Variants in EPS15 observed in about 807,000 individuals in gnomAD.
The protein encoded by EPS15 is epidermal growth factor receptor substrate 15.
Under a neutral mutation model 113.8 loss-of-function variants are expected in EPS15, and 72 were observed. The observed-to-expected ratio is 0.63, with a 90% CI of 0.52 to 0.77. The LOEUF is 0.77. Ranked by LOEUF, EPS15 falls within the 30% of genes least tolerant of loss-of-function variation. The pLI, the probability that EPS15 is intolerant of heterozygous loss-of-function variation, is 0.00. For missense variants in EPS15, 1,048 were observed against 1,045.8 expected (o/e 1.00, Z -0.03); for synonymous variants, 344 against 363.4 (o/e 0.95, Z 0.61).
chr1:51,358,705 TTTTG>T lies in EPS15; in HGVS notation c.2545-1863_2545-1860del, dbSNP rs776141948. Among the ~76,000 whole-genome samples, 343 of 143,952 alleles carry T rather than the reference TTTTG, an allele frequency of 2.4e-3. 2 individuals are homozygous for T. The highest frequency in any genetic ancestry group is 8.4e-3 in the African/African-American group (329 of 39,040). The allele number at this position is 143,952 out of a possible 152,430, so 94.4% of individuals were successfully genotyped here. A position where few individuals can be genotyped will look rare whatever the true frequency, so the allele number is the denominator to read the frequency against. ...ACTCCTTCCAACCAGATTTGTTTTT[TTTTG>T]TTTTTTTTTTTTTTTTTGAGGCGGA... is the stretch of plus-strand genomic sequence containing the variant. On this transcript the variant is annotated intron_variant, in intron 24 of 24. Coordinates refer to ENST00000371733, the MANE Select transcript of EPS15 (RefSeq NM_001981.3).
intron 12 of EPS15, among the ~76,000 whole-genome samples, chr1:51,424,956 C>T (rs1651079404): frequency 6.6e-6 from 1 of 152,074 alleles, no homozygotes; most frequent in African/African-American, 2.4e-5. Flanking sequence ...GCCCAAACCA[C>T]CACTCATCTT....
chr1:51,452,745 AT>A (rs1277320394), intron 8 of EPS15, among the ~76,000 whole-genome samples: 135 of 152,368 alleles, frequency 8.9e-4, no homozygotes, highest in Middle Eastern at 3.4e-3. Flanking sequence ...GATCAGCTTT[AT>A]TAGCAGCACA....
At chr1:51,496,430 T>A (rs1644324242) in intron 1 of EPS15, among the ~76,000 whole-genome samples, 1 of 152,208 alleles carries the variant, frequency 6.6e-6, no homozygotes, top group African/African-American at 2.4e-5. Context: ...AAACCTTTAG[T>A]TGTAAGTGCC....
chr1:51,429,381 C>T (rs1210714247), intron 12 of EPS15, among the ~76,000 whole-genome samples: 1 of 151,128 alleles, frequency 6.6e-6, no homozygotes, highest in African/African-American at 2.4e-5. Context: ...AAATTTTAAC[C>T]ACTTTAAGTG....
intron 1 of EPS15, among the ~76,000 whole-genome samples, chr1:51,508,338 G>GAGAGAGAAAGAAAGAAAGAA (rs1553139582): frequency 8.2e-6 from 1 of 122,248 alleles, no homozygotes; most frequent in East Asian, 2.3e-4. Flanking sequence ...AAGAGAAAGA[G>GAGAGAGAAAGAAAGAAAGAA]AGAAAGAAAG....
intron 21 of EPS15, among the ~76,000 whole-genome samples, chr1:51,376,620 C>T (rs1557778475): frequency 6.6e-6 from 1 of 152,092 alleles, no homozygotes; most frequent in African/African-American, 2.4e-5. Flanking sequence ...GCTGAGATTG[C>T]ACCACTGTGC....
chr1:51,393,230 T>A (rs1012535907), intron 21 of EPS15, among the ~76,000 whole-genome samples: 1 of 152,244 alleles, frequency 6.6e-6, no homozygotes, highest in African/African-American at 2.4e-5. Context: ...CCAGCCTTTT[T>A]TTTGGAGACA....
Position 51,356,840 on chromosome 1 carries a change from A to C in EPS15, c.2551T>G (p.Ser851Ala), listed in dbSNP as rs773738862. Reference protein sequence around the residue: ...SNFANFSAYPSEEDMIEWAKR... With the variant: ...SNFANFSAYPAEEDMIEWAKR... Reference sequence around the variant, plus strand: ...GCCCATTCGATCATATCTTCTTCAGAGGGATACTGCCATTTAAAAGATCGA... The same window carrying C: ...GCCCATTCGATCATATCTTCTTCAGCGGGATACTGCCATTTAAAAGATCGA... Residue 851 changes from serine (S) to alanine (A), a missense_variant, in exon 25 of 25, where the codon TCT becomes GCT. Ser to Ala is a moderately conservative substitution (Grantham distance 99). Coordinates refer to ENST00000371733, the MANE Select transcript of EPS15 (RefSeq NM_001981.3). 5.6e-6 allele frequency: 9 copies of C among 1,610,286 alleles called. No individual in the cohort carries two copies. The Admixed American group carries it at 1.5e-4, about 27-fold the overall frequency.
intron 1 of EPS15, among the ~76,000 whole-genome samples, chr1:51,515,156 ACT>A (rs898129590): frequency 2.0e-5 from 3 of 152,026 alleles, no homozygotes; most frequent in Non-Finnish European, 2.9e-5. Flanking sequence ...CAGTTATATC[ACT>A]CTTGTAATTT....
chr1:51,506,085 C>T (rs1366029324), intron 1 of EPS15, among the ~76,000 whole-genome samples: 1 of 152,162 alleles, frequency 6.6e-6, no homozygotes, highest in Non-Finnish European at 1.5e-5. Flanking sequence ...CGGAGTTTCA[C>T]CACTTTGGCC....
At chr1:51,472,055 T>TAGTGTTA (rs1420033418) in intron 3 of EPS15, among the ~76,000 whole-genome samples, 1 of 152,082 alleles carries the variant, frequency 6.6e-6, no homozygotes, top group Non-Finnish European at 1.5e-5. Flanking sequence ...TAATGTATTT[T>TAGTGTTA]ATGTGTGGCC....
intron 2 of EPS15, among the ~76,000 whole-genome samples, chr1:51,476,855 C>T (rs978358759): frequency 2.1e-4 from 32 of 152,254 alleles, no homozygotes; most frequent in Non-Finnish European, 4.0e-4. Context: ...ATTCGGTTTG[C>T]CAGTATTTTA....
At chr1:51,460,678 G>A (rs1654370216) in intron 8 of EPS15, among the ~76,000 whole-genome samples, 1 of 152,180 alleles carries the variant, frequency 6.6e-6, no homozygotes, top group Non-Finnish European at 1.5e-5. Context: ...AACCAGCCGG[G>A]CACAGTGGTT....
intron 1 of EPS15, among the ~76,000 whole-genome samples, chr1:51,516,810 T>C (rs185484879): frequency 1.2e-4 from 18 of 152,354 alleles, no homozygotes; most frequent in Admixed American, 2.0e-4. Context: ...ATAACTGTTA[T>C]AGAACCCTTT....
intron 1 of EPS15, among the ~76,000 whole-genome samples, chr1:51,486,710 C>T (rs1644130367): frequency 2.0e-5 from 3 of 151,748 alleles, no homozygotes. Context: ...CAGAGTTTTG[C>T]TCTTGTTACC....
At chr1:51,426,033 T>C (rs1651168994) in intron 12 of EPS15, among the ~76,000 whole-genome samples, 1 of 152,164 alleles carries the variant, frequency 6.6e-6, no homozygotes, top group African/African-American at 2.4e-5. Flanking sequence ...TCTCTACTTT[T>C]AGAAATTCAT....
intron 21 of EPS15, among the ~76,000 whole-genome samples, chr1:51,383,421 T>C (rs183411340): frequency 1.3e-5 from 2 of 152,286 alleles, no homozygotes; most frequent in East Asian, 3.9e-4. Context: ...GGAAGACAAT[T>C]TTTTTAGGAC....
chr1:51,449,361 T>A (rs1290307562), intron 8 of EPS15, among the ~76,000 whole-genome samples: 1 of 152,120 alleles, frequency 6.6e-6, no homozygotes, highest in Non-Finnish European at 1.5e-5. Flanking sequence ...TACCATATGT[T>A]CTTGCTTCTA....
At chr1:51,465,196 GAGGTAGAGAGAGAGT>G in intron 6 of EPS15, 50 bp downstream of exon 6, 1 of 968,646 alleles carries the variant, frequency 1.0e-6, no homozygotes, top group Non-Finnish European at 1.6e-6. Flanking sequence ...ATATATTTCA[GAGGTAGAGAGAGAGT>G]AGATAGGAAG....
Sources: gnomAD v4.1 joint callset for allele counts (sites outside exome capture counted in the v4.1 genomes callset) on GRCh38, gnomAD v4.1.1 for gene constraint, MANE v1.5 for transcripts, NCBI Gene and HGNC (gene_info 2026-07-23, HGNC 2026-07-21) for gene names.